The following HDLBP variants were observed in gnomAD, a reference collection of about 807,000 sequenced individuals.
The protein encoded by HDLBP is high density lipoprotein binding protein, also known as vigilin.
HDLBP carries 30 observed loss-of-function variants against 137.3 expected under a neutral mutation model. That is an observed-to-expected ratio of 0.22 (90% confidence interval 0.16 to 0.30). The LOEUF (loss-of-function observed/expected upper bound fraction) is 0.30. Ranked by LOEUF, HDLBP falls within the 10% of genes least tolerant of loss-of-function variation. HDLBP has a pLI of 1.00. For synonymous variants in HDLBP, 606 were observed against 596.0 expected, an observed-to-expected ratio of 1.02 and a Z score of -0.24; for missense variants, 1,119 against 1,667.3, an observed-to-expected ratio of 0.67 and a Z score of 5.73.
intron 16 of HDLBP, among the ~76,000 whole-genome samples, chr2:241,246,387 C>T (rs981068555): frequency 4.6e-5 from 7 of 152,112 alleles, no homozygotes; most frequent in African/African-American, 1.7e-4. Flanking sequence ...GATGTATACA[C>T]ACGTCAAAAC....
At chr2:241,286,452 T>C (rs2149635790) in intron 1 of HDLBP, among the ~76,000 whole-genome samples, 1 of 152,364 alleles carries the variant, frequency 6.6e-6, no homozygotes, top group East Asian at 1.9e-4. Context: ...CTCCAAAGAA[T>C]GCAACCATTT....
intron 14 of HDLBP, 98 bp from the exon 15 acceptor site, chr2:241,247,240 A>C (rs1411781859): frequency 9.3e-6 from 7 of 756,632 alleles, no homozygotes; most frequent in Non-Finnish European, 1.6e-5. Context: ...ACGACAGAGC[A>C]CTGGTATTTG....
chr2:241,282,406 C>T (rs1202929058), intron 1 of HDLBP, among the ~76,000 whole-genome samples: 3 of 152,120 alleles, frequency 2.0e-5, no homozygotes, highest in Middle Eastern at 3.2e-3. Flanking sequence ...CTTTGGAGAG[C>T]GTACATATTT....
chr2:241,299,306 G>A (rs1008254938), intron 1 of HDLBP, among the ~76,000 whole-genome samples: 2 of 151,398 alleles, frequency 1.3e-5, no homozygotes, highest in African/African-American at 4.9e-5. Context: ...GGATCACAAG[G>A]TCAGGAGTTC....
At chr2:241,313,112 T>C (rs2075801903) in intron 1 of HDLBP, among the ~76,000 whole-genome samples, 1 of 152,190 alleles carries the variant, frequency 6.6e-6, no homozygotes, top group African/African-American at 2.4e-5. Context: ...AGGACCACAT[T>C]CTGTAGGAAG....
At position 241,233,340 on chromosome 2, in the gene HDLBP, G is replaced by A. The variant is rs952390860; in HGVS notation, c.3288+480C>T. Reference sequence around the variant, plus strand: ...CAGGAGGCCATGAGGGCCAGTGGCAGGGGGGTGGCACTGCAATTTGGAGGA... The same window carrying A: ...CAGGAGGCCATGAGGGCCAGTGGCAAGGGGGTGGCACTGCAATTTGGAGGA... On this transcript the variant is annotated intron_variant, in intron 24 of 27. Transcript: ENST00000310931. The surrounding 1 kb of genome is among the most constrained non-coding windows in gnomAD (Gnocchi z 4.3). 6.6e-6 allele frequency among the ~76,000 whole-genome samples: 1 copy of A among 152,152 alleles called. No individual in the cohort carries two copies. Among genetic ancestry groups the A allele is most frequent in the Non-Finnish European group, 1.5e-5 (1 of 68,016 alleles).
chr2:241,247,967 T>C (rs551913402), intron 14 of HDLBP, 36 bp downstream of exon 14: 3 of 1,444,486 alleles, frequency 2.1e-6, no homozygotes, highest in Non-Finnish European at 2.9e-6. Context: ...CCACCCCAGG[T>C]GCTGTCATAC....
At chr2:241,308,855 A>G (rs1423862362) in intron 1 of HDLBP, among the ~76,000 whole-genome samples, 1 of 152,290 alleles carries the variant, frequency 6.6e-6, no homozygotes, top group East Asian at 1.9e-4. Flanking sequence ...CACCACCAGT[A>G]CTGGGTCACT....
At chr2:241,310,003 G>C (rs866283530) in intron 1 of HDLBP, among the ~76,000 whole-genome samples, 4 of 152,134 alleles carry the variant, frequency 2.6e-5, no homozygotes, top group Admixed American at 2.6e-4. Flanking sequence ...TCTGACTCAC[G>C]AGCAGGCACA....
intron 1 of HDLBP, among the ~76,000 whole-genome samples, chr2:241,284,968 C>T (rs189160010): frequency 1.3e-5 from 2 of 152,354 alleles, no homozygotes; most frequent in Admixed American, 1.3e-4. Context: ...GCAACCTCCA[C>T]CTCCCGGGTT....
chr2:241,267,528 G>T, intron 2 of HDLBP: 1 of 1,501,100 alleles, frequency 6.7e-7, no homozygotes. Flanking sequence ...CACCAGGATC[G>T]TTCTCCTAAC....
intron 12 of HDLBP, chr2:241,249,251 CCTCACACAGTCAGG>C (rs1192325485): frequency 5.2e-5 from 24 of 463,626 alleles, no homozygotes; most frequent in Admixed American, 9.5e-5. Context: ...GGGGCTTGTT[CCTCACACAGTCAGG>C]CCAAAGTGCT....
chr2:241,244,128 T>G (rs1438219247), intron 16 of HDLBP, among the ~76,000 whole-genome samples: 1 of 152,174 alleles, frequency 6.6e-6, no homozygotes, highest in Non-Finnish European at 1.5e-5. Context: ...TGAGGCAGAT[T>G]AGAACACTGC....
At chr2:241,264,893 T>C (rs370282958) in intron 3 of HDLBP, among the ~76,000 whole-genome samples, 8 of 152,114 alleles carry the variant, frequency 5.3e-5, no homozygotes, top group South Asian at 2.1e-4. Context: ...AGCTCAGACA[T>C]TGTGAGCCCC....
At chr2:241,245,560 G>C (rs1221486436) in intron 16 of HDLBP, among the ~76,000 whole-genome samples, 1 of 152,170 alleles carries the variant, frequency 6.6e-6, no homozygotes, top group African/African-American at 2.4e-5. Context: ...CAGCAGTTTG[G>C]AAGGCCAAGG....
At chr2:241,281,506 G>C (rs1003913073) in intron 1 of HDLBP, among the ~76,000 whole-genome samples, 1 of 152,172 alleles carries the variant, frequency 6.6e-6, no homozygotes, top group Non-Finnish European at 1.5e-5. Flanking sequence ...GGCTGACCAA[G>C]TGAGACCCTG....
chr2:241,313,745 CAAG>C (rs748803579), intron 1 of HDLBP, among the ~76,000 whole-genome samples: 1 of 152,176 alleles, frequency 6.6e-6, no homozygotes, highest in African/African-American at 2.4e-5. Context: ...CGTATTTACT[CAAG>C]AAGAAATTCT....
At chr2:241,266,465 A>G (rs2073682989) in intron 3 of HDLBP, 1 of 308,826 alleles carries the variant, frequency 3.2e-6, no homozygotes, top group Admixed American at 4.8e-5. Flanking sequence ...ATGCTCTGGG[A>G]TGCTTCAGAG....
Position 241,233,934 on chromosome 2 carries a change from A to G in HDLBP, c.3174T>C (p.Thr1058=). ...TCTTGGGATGGTATTTGGGGTCTAC[A>G]GTGACACTCAGCTTAAAACTCCTTA... ...RALRSFKLSV[T]VDPKYHPKII... The change falls in exon 24 of 28, where the codon ACT becomes ACC. Residue 1058 remains threonine, a synonymous_variant. Coordinates refer to ENST00000310931, the MANE Select transcript of HDLBP (RefSeq NM_005336.6). This position sits in a 1 kb window ranked among gnomAD's most constrained non-coding sequence, Gnocchi z 4.3. 1.2e-6 allele frequency: 2 copies of G among 1,614,184 alleles called. No individual in the cohort carries two copies. Among genetic ancestry groups the G allele is most frequent in the Non-Finnish European group, 1.7e-6 (2 of 1,180,010 alleles).
Sources: gnomAD v4.1 joint callset for allele counts (sites outside exome capture counted in the v4.1 genomes callset) on GRCh38, gnomAD v4.1.1 for gene constraint, Gnocchi (gnomAD v3.1) non-coding constraint, MANE v1.5 for transcripts, NCBI Gene and HGNC (gene_info 2026-07-23, HGNC 2026-07-21) for gene names.